Variants in PTK2 observed in about 807,000 individuals in gnomAD.
PTK2 encodes protein tyrosine kinase 2, also known as focal adhesion kinase 1.
Under a neutral mutation model 150.1 loss-of-function variants are expected in PTK2, and 45 were observed. The ratio of observed to expected loss-of-function variants is 0.30; its 90% CI spans 0.24 to 0.38. The LOEUF (loss-of-function observed/expected upper bound fraction) is 0.38. Among genes scored for constraint, PTK2 ranks in the 10% least tolerant of loss-of-function variants. PTK2 has a pLI of 1.00. For synonymous variants in PTK2, 432 were observed against 449.2 expected (o/e 0.96, Z 0.48); for missense variants, 919 against 1,307.3 (o/e 0.70, Z 4.58).
intron 22 of PTK2, among the ~76,000 whole-genome samples, chr8:140,723,624 T>C (rs186594184): frequency 2.6e-3 from 393 of 152,268 alleles, no homozygotes; most frequent in Non-Finnish European, 5.1e-3. Flanking sequence ...TTAGTAGCAA[T>C]ACATTCCATC....
chr8:140,975,006 C>A (rs942502412), intron 1 of PTK2, among the ~76,000 whole-genome samples: 1 of 152,204 alleles, frequency 6.6e-6, no homozygotes, highest in African/African-American at 2.4e-5. Context: ...TAGATGAACT[C>A]AGAAACAGGC....
chr8:140,672,256 TG>T, intron 29 of PTK2: 1 of 374,682 alleles, frequency 2.7e-6, no homozygotes, highest in Non-Finnish European at 5.3e-6. Flanking sequence ...TTCAAACTTC[TG>T]GGCTGAAGTG....
In PTK2 at chr8:140,749,628, T is replaced by C. The variant is rs111792469; in HGVS notation, c.1417+2604A>G. Among the ~76,000 whole-genome samples the C allele has an allele frequency of 4.8e-3, 724 of 152,344 alleles. 9 individuals are homozygous for C. Among genetic ancestry groups the C allele is most frequent in the African/African-American group, 0.016 (656 of 41,574 alleles). ...TTCTGTCCTGTCTGTGGATGTACAATGACAGAGCTGAATACTTGGGACAGG... is the reference window on the plus strand; with the variant it reads ...TTCTGTCCTGTCTGTGGATGTACAACGACAGAGCTGAATACTTGGGACAGG... On this transcript the variant is annotated intron_variant, in intron 17 of 31. Transcript: ENST00000522684.
intron 5 of PTK2, among the ~76,000 whole-genome samples, chr8:140,862,866 T>C (rs1014151391): frequency 6.6e-6 from 1 of 152,148 alleles, no homozygotes; most frequent in Non-Finnish European, 1.5e-5. Flanking sequence ...GGCCCTGGTC[T>C]GTAGAAAAAC....
At chr8:140,970,612 C>T (rs756030703) in intron 1 of PTK2, among the ~76,000 whole-genome samples, 4 of 152,232 alleles carry the variant, frequency 2.6e-5, no homozygotes, top group Non-Finnish European at 5.9e-5. Flanking sequence ...CATCCTCCAC[C>T]ATCACCACGA....
At chr8:140,715,217 A>AACT (rs2100039045) in intron 23 of PTK2, among the ~76,000 whole-genome samples, 1 of 122,090 alleles carries the variant, frequency 8.2e-6, no homozygotes, top group South Asian at 2.7e-4. Context: ...TTATCGCCCA[A>AACT]ACTAGAGTGC....
intron 14 of PTK2, among the ~76,000 whole-genome samples, chr8:140,786,723 C>A (rs1395411314): frequency 6.6e-6 from 1 of 152,128 alleles, no homozygotes; most frequent in Admixed American, 6.6e-5. Flanking sequence ...TAAGGACAAA[C>A]AGGACTCCGA....
chr8:140,761,454 T>C (rs968668200), intron 15 of PTK2, among the ~76,000 whole-genome samples, 192 bp from the exon 19 acceptor site: 15 of 152,192 alleles, frequency 9.9e-5, no homozygotes, highest in African/African-American at 3.6e-4. Flanking sequence ...GTTATGGTAT[T>C]AGAAGAACTA....
At chr8:140,871,993 G>A (rs1467745551) in intron 4 of PTK2, among the ~76,000 whole-genome samples, 1 of 152,092 alleles carries the variant, frequency 6.6e-6, no homozygotes, top group African/African-American at 2.4e-5. Flanking sequence ...CAGATCATGA[G>A]GTCAGGAGAT....
intron 2 of PTK2, among the ~76,000 whole-genome samples, chr8:140,891,759 G>A (rs189351236): frequency 1.6e-4 from 24 of 152,346 alleles, no homozygotes; most frequent in Non-Finnish European, 3.2e-4. Context: ...CTGAGAAGGA[G>A]CCTCTCAAAA....
At chr8:140,770,859 GACAA>G in intron 14 of PTK2, 60 bp from the exon 15 acceptor site, 14 of 851,804 alleles carry the variant, frequency 1.6e-5, no homozygotes, top group South Asian at 2.2e-5. Context: ...CAATACAAAA[GACAA>G]CTTTTGTTAC....
intron 5 of PTK2, among the ~76,000 whole-genome samples, chr8:140,855,239 T>C (rs1461877043): frequency 6.6e-6 from 1 of 152,108 alleles, no homozygotes; most frequent in Non-Finnish European, 1.5e-5. Flanking sequence ...CTAAGAGCTT[T>C]GATATGCTGT....
intron 26 of PTK2, among the ~76,000 whole-genome samples, chr8:140,694,689 A>G (rs1323011622): frequency 6.6e-6 from 1 of 152,200 alleles, no homozygotes; most frequent in East Asian, 1.9e-4. Flanking sequence ...AAAGGCCAAG[A>G]CCCAGAAACA....
intron 22 of PTK2, among the ~76,000 whole-genome samples, chr8:140,728,569 A>T (rs2100047302): frequency 6.6e-6 from 1 of 152,192 alleles, no homozygotes; most frequent in African/African-American, 2.4e-5. Context: ...CCCAGGCTGG[A>T]GTGCAGTGGC....
intron 2 of PTK2, among the ~76,000 whole-genome samples, chr8:140,923,414 T>C (rs11785722): frequency 0.42 from 63,183 of 152,060 alleles, 15,023 homozygotes; most frequent in Non-Finnish European, 0.54. Context: ...CCTATTTTCA[T>C]AGAAGATGAA....
chr8:140,811,683 G>A (rs1566856728), intron 10 of PTK2, among the ~76,000 whole-genome samples: 1 of 152,088 alleles, frequency 6.6e-6, no homozygotes, highest in African/African-American at 2.4e-5. Context: ...AACAATACAG[G>A]AGCTGAGAGA....
intron 5 of PTK2, among the ~76,000 whole-genome samples, chr8:140,852,271 T>A (rs965036501): frequency 1.3e-5 from 2 of 152,224 alleles, no homozygotes; most frequent in Non-Finnish European, 2.9e-5. Context: ...CAGTTAAATA[T>A]AACGTATAAA....
chr8:140,779,822 T>C (rs1326843097), intron 14 of PTK2, among the ~76,000 whole-genome samples: 1 of 152,170 alleles, frequency 6.6e-6, no homozygotes, highest in Non-Finnish European at 1.5e-5. Flanking sequence ...TATTTTCCTT[T>C]GACCATACCT....
chr8:140,875,261 T>C (rs1054696123), intron 4 of PTK2, among the ~76,000 whole-genome samples: 1 of 152,070 alleles, frequency 6.6e-6, no homozygotes, highest in Admixed American at 6.6e-5. Flanking sequence ...AAGTGAAAAG[T>C]TGTAAACGAT....
Sources: allele counts gnomAD v4.1 joint callset (sites outside exome capture counted in the v4.1 genomes callset), GRCh38; gene constraint gnomAD v4.1.1; transcripts MANE v1.5; gene names NCBI Gene and HGNC (gene_info 2026-07-23, HGNC 2026-07-21).